Variants in UBE3B observed in about 807,000 individuals in gnomAD.
UBE3B encodes the protein ubiquitin protein ligase E3B, also known as ubiquitin-protein ligase E3B.
Under a neutral mutation model 132.3 loss-of-function variants are expected in UBE3B, and 80 were observed. The ratio of observed to expected loss-of-function variants is 0.60; its 90% confidence interval spans 0.50 to 0.73. The LOEUF (loss-of-function observed/expected upper bound fraction) is 0.73. Ranked by LOEUF, UBE3B falls within the 30% of genes least tolerant of loss-of-function variation. The pLI is 0.00. For missense variants in UBE3B, 1,196 were observed against 1,362.5 expected (o/e 0.88, Z 1.92); for synonymous variants, 487 against 520.4 (o/e 0.94, Z 0.87).
chr12:109,515,138 C>T (rs1005734901), intron 18 of UBE3B, among the ~76,000 whole-genome samples: 12 of 151,776 alleles, frequency 7.9e-5, no homozygotes, highest in Admixed American at 7.9e-4. Flanking sequence ...TGGTCTCGAT[C>T]TCCTGACCTC....
intron 24 of UBE3B, among the ~76,000 whole-genome samples, chr12:109,527,935 C>T (rs964361973): frequency 3.9e-5 from 6 of 152,170 alleles, no homozygotes; most frequent in African/African-American, 1.4e-4. Context: ...TGAGAGGACA[C>T]GCATTGCCAG....
chr12:109,520,362 A>G (rs943227167), intron 19 of UBE3B: 1 of 152,192 alleles, frequency 6.6e-6, no homozygotes, highest in African/African-American at 2.4e-5. Context: ...GACAAACTAA[A>G]CAGATGATTT....
At position 109,508,128 on chromosome 12, in the gene UBE3B, G is replaced by A. The variant is rs538410724; in HGVS notation, c.1622+393G>A. Among the ~76,000 whole-genome samples, 139 of 152,318 alleles carry A rather than the reference G, an allele frequency of 9.1e-4. 1 individual carries two copies. The highest frequency in any genetic ancestry group is 3.1e-3 in the African/African-American group (128 of 41,572). On this transcript the variant is annotated intron_variant, in intron 15 of 27. Transcript: ENST00000342494. ...TGAGACACCCTGGGCAAGGGATCAC[G>A]GATTCAACCTCTCTGAGACTCAGTT...
chr12:109,524,160 A>G, intron 22 of UBE3B, 45 bp downstream of exon 22: 1 of 1,610,004 alleles, frequency 6.2e-7, no homozygotes, highest in South Asian at 1.1e-5. Flanking sequence ...ACTGGTGTGA[A>G]CTCACAGCTT....
intron 15 of UBE3B, chr12:109,509,017 A>G (rs1235423777): frequency 6.6e-6 from 1 of 152,590 alleles, no homozygotes; most frequent in African/African-American, 2.4e-5. Flanking sequence ...TCAGATCCTT[A>G]TGAATAAGAA....
At position 109,521,423 on chromosome 12, in the gene UBE3B, C is replaced by T. The variant is rs753179139; in HGVS notation, c.2254-18C>T. 29 of 1,579,110 alleles carry T rather than the reference C, an allele frequency of 1.8e-5. No individual in the cohort carries two copies. Among genetic ancestry groups the T allele is most frequent in the South Asian group, 3.4e-5 (3 of 87,248 alleles). ...AAGGCACTTGACCTCTGCCTCTCCC[C>T]GTCTTTTTGCCTTGCAGACAACCAG... On this transcript the variant is annotated intron_variant, in intron 20 of 27. Transcript: ENST00000342494. This position sits in a 1 kb window ranked among gnomAD's most constrained non-coding sequence, Gnocchi z 4.2.
chr12:109,488,463 G>C, intron 6 of UBE3B, 109 bp from the exon 7 acceptor site: 2 of 959,388 alleles, frequency 2.1e-6, no homozygotes, highest in Non-Finnish European at 3.3e-6. Flanking sequence ...TTATAATCCT[G>C]ACTCAGTGAT....
In UBE3B at chr12:109,509,690, A is replaced by C; in HGVS notation, c.1717A>C (p.Lys573Gln). The C allele has an allele frequency of 2.5e-6, 4 of 1,608,654 alleles. No homozygotes were observed. The highest frequency in any genetic ancestry group is 3.4e-6 in the Non-Finnish European group (4 of 1,178,618). Residue 573 changes from lysine (K) to glutamine (Q), a missense_variant, in exon 16 of 28, where the codon AAG becomes CAG. Physicochemically the swap from Lys to Gln is moderately conservative, Grantham distance 53 (BLOSUM62 1). Transcript: ENST00000342494. Reference protein sequence around the residue: ...ISSFLNSFVFKMIWDGIVENA... With the variant: ...ISSFLNSFVFQMIWDGIVENA... Reference sequence around the variant, plus strand: ...CTCTTTCCTGAATTCTTTTGTGTTTAAGATGATCTGGGATGGAATTGTAGG... The same window carrying C: ...CTCTTTCCTGAATTCTTTTGTGTTTCAGATGATCTGGGATGGAATTGTAGG...
intron 18 of UBE3B, among the ~76,000 whole-genome samples, chr12:109,515,960 G>A (rs554587775): frequency 6.6e-6 from 1 of 152,210 alleles, no homozygotes; most frequent in African/African-American, 2.4e-5. Context: ...TGAAAGGTCA[G>A]GGAGCTTTAT....
intron 11 of UBE3B, among the ~76,000 whole-genome samples, chr12:109,498,975 A>T (rs1256585147): frequency 6.6e-6 from 1 of 151,810 alleles, no homozygotes; most frequent in Non-Finnish European, 1.5e-5. Context: ...ACAAGCGCAC[A>T]CTACCACGGC....
At chr12:109,487,303 T>C (rs1160096136) in intron 6 of UBE3B, among the ~76,000 whole-genome samples, 2 of 151,998 alleles carry the variant, frequency 1.3e-5, no homozygotes, top group African/African-American at 4.8e-5. Context: ...TGGACAGGGG[T>C]GTGAGCAGAC....
chr12:109,514,737 C>G (rs193195960), intron 18 of UBE3B, among the ~76,000 whole-genome samples: 1 of 151,918 alleles, frequency 6.6e-6, no homozygotes, highest in Admixed American at 6.6e-5. Context: ...CTATCACCAG[C>G]CTCCCTCCCT....
chr12:109,500,094 C>A (rs1878769669), intron 12 of UBE3B, among the ~76,000 whole-genome samples: 1 of 152,142 alleles, frequency 6.6e-6, no homozygotes, highest in South Asian at 2.1e-4. Context: ...TTTGTTCCTT[C>A]CATTCAGCTA....
At chr12:109,490,472 G>A in intron 8 of UBE3B, 1 of 1,535,374 alleles carries the variant, frequency 6.5e-7, no homozygotes. Flanking sequence ...TGTTGACTTT[G>A]CCCTTCCTTC....
intron 24 of UBE3B, among the ~76,000 whole-genome samples, chr12:109,526,993 C>G (rs1203091198): frequency 6.6e-6 from 1 of 152,120 alleles, no homozygotes; most frequent in Admixed American, 6.5e-5. Context: ...GCCCTAGATG[C>G]TGACAGATGG....
chr12:109,509,457 C>A, intron 15 of UBE3B, 139 bp from the exon 16 acceptor site: 3 of 576,298 alleles, frequency 5.2e-6, no homozygotes, highest in East Asian at 3.0e-5. Flanking sequence ...ATCATTTTAT[C>A]TGTAGATTTT....
At chr12:109,508,788 C>T (rs1480030260) in intron 15 of UBE3B, 3 of 957,816 alleles carry the variant, frequency 3.1e-6, no homozygotes, top group East Asian at 2.3e-4. Context: ...AGAGCTGTGT[C>T]TTAAATGGCT....
chr12:109,506,418 G>A (rs549106621), intron 14 of UBE3B, among the ~76,000 whole-genome samples: 52 of 152,224 alleles, frequency 3.4e-4, no homozygotes, highest in Non-Finnish European at 6.8e-4. Flanking sequence ...GTGCGATCTC[G>A]GCTCACTGCA....
intron 11 of UBE3B, among the ~76,000 whole-genome samples, chr12:109,499,353 G>A (rs1878658398): frequency 1.3e-5 from 2 of 152,310 alleles, no homozygotes; most frequent in South Asian, 4.1e-4. Context: ...ATGGAGAGTA[G>A]GGATCATCAT....
Sources: allele counts gnomAD v4.1 joint callset (sites outside exome capture counted in the v4.1 genomes callset), GRCh38; gene constraint gnomAD v4.1.1; non-coding constraint Gnocchi (gnomAD v3.1); transcripts MANE v1.5; gene names NCBI Gene and HGNC (gene_info 2026-07-23, HGNC 2026-07-21).